Variants in PSEN2 observed in about 807,000 individuals in gnomAD.
The protein encoded by PSEN2 is presenilin 2, also known as presenilin-2.
In PSEN2, 32 loss-of-function variants were observed where a neutral mutation model predicts 49.1. That is an observed-to-expected ratio of 0.65 (90% confidence interval 0.49 to 0.88). PSEN2 has a LOEUF of 0.88. Among genes scored for constraint, PSEN2 ranks in the 40% least tolerant of loss-of-function variants. PSEN2 has a pLI of 0.00. For synonymous variants in PSEN2, 255 were observed against 244.0 expected (o/e 1.05, Z -0.42); for missense variants, 522 against 586.9 (o/e 0.89, Z 1.14).
chr1:226,888,398 C>G (rs1177318987), intron 7 of PSEN2, among the ~76,000 whole-genome samples: 1 of 152,140 alleles, frequency 6.6e-6, no homozygotes, highest in East Asian at 1.9e-4. Context: ...AAAATGAACC[C>G]TTCATGGAGA....
chr1:226,880,263 G>A (rs1341247743), intron 3 of PSEN2, among the ~76,000 whole-genome samples: 1 of 152,082 alleles, frequency 6.6e-6, no homozygotes. Context: ...TGCAGCCCTA[G>A]CTACTGAGGA....
intron 12 of PSEN2, chr1:226,903,424 A>G (rs1431039408): frequency 1.3e-5 from 2 of 152,200 alleles, no homozygotes; most frequent in Admixed American, 1.3e-4. Flanking sequence ...AGTCTTCTAA[A>G]TGATTAGCTG....
intron 2 of PSEN2, among the ~76,000 whole-genome samples, chr1:226,875,129 C>T (rs932722381): frequency 1.3e-5 from 2 of 152,048 alleles, no homozygotes; most frequent in Non-Finnish European, 2.9e-5. Context: ...GCCTGTGGTC[C>T]GGGAGGGTGG....
chr1:226,885,294 G>A (rs1373837468), intron 5 of PSEN2, among the ~76,000 whole-genome samples: 2 of 152,256 alleles, frequency 1.3e-5, no homozygotes, highest in South Asian at 2.1e-4. Flanking sequence ...TCTAGCCCTC[G>A]TCCTCACTGC....
chr1:226,876,176 T>A (rs1406076055), intron 3 of PSEN2, among the ~76,000 whole-genome samples: 1 of 151,850 alleles, frequency 6.6e-6, no homozygotes, highest in African/African-American at 2.4e-5. Context: ...CCTAGCAGTG[T>A]TGTTTATCTG....
At chr1:226,898,839 C>T (rs971297792), downstream of PSEN2, 2 of 152,206 alleles carry the variant, frequency 1.3e-5, no homozygotes, top group African/African-American at 4.8e-5. Context: ...GGGTCTCGAT[C>T]TCCTGACCTC....
rs1661015389 is a variant in PSEN2, at chr1:226,881,872, G to A, written c.-20-16G>A. On this transcript the variant is annotated splice_polypyrimidine_tract_variant and intron_variant, in intron 3 of 12. Coordinates refer to ENST00000366783, the MANE Select transcript of PSEN2 (RefSeq NM_000447.3). ...CACAGGAAAGTGGAACAAGGTCCTTGTGCTCCTTTTTCCAGGTGCTTCCAG... is the reference window on the plus strand; with the variant it reads ...CACAGGAAAGTGGAACAAGGTCCTTATGCTCCTTTTTCCAGGTGCTTCCAG... The A allele has an allele frequency of 1.2e-6, 2 of 1,614,204 alleles. No homozygotes were observed. Among genetic ancestry groups the A allele is most frequent in the Non-Finnish European group, 1.7e-6 (2 of 1,180,016 alleles).
At chr1:226,873,105 A>T (rs930245005) in intron 2 of PSEN2, among the ~76,000 whole-genome samples, 4 of 151,620 alleles carry the variant, frequency 2.6e-5, no homozygotes, top group Non-Finnish European at 5.9e-5. Context: ...TGAACCCAGG[A>T]GGCGGAGGTT....
chr1:226,880,740 C>G, intron 3 of PSEN2: 1 of 1,611,558 alleles, frequency 6.2e-7, no homozygotes, highest in Admixed American at 1.7e-5. Context: ...CTGGGTCCCC[C>G]ACTTGGTACT....
At chr1:226,891,948 G>A in intron 11 of PSEN2, 104 bp downstream of exon 11, 1 of 1,042,280 alleles carries the variant, frequency 9.6e-7, no homozygotes, top group Non-Finnish European at 1.5e-6. Flanking sequence ...TGAGGGGAGG[G>A]GCCCCTTTTC....
In PSEN2 at chr1:226,888,151, T is replaced by G; in HGVS notation, c.559T>G (p.Tyr187Asp). ...GCTGCTGTTCCTCTTCACCTATATCTACCTTGGGTAAGTGACAGATAAGCA... is the reference window on the plus strand; with the variant it reads ...GCTGCTGTTCCTCTTCACCTATATCGACCTTGGGTAAGTGACAGATAAGCA... The part of the protein sequence containing the change: ...LMLLFLFTYI[Y>D]LGEVLKTYNV... Residue 187 changes from tyrosine (Y) to aspartate (D), a missense_variant, in exon 7 of 13, where the codon TAC (tyrosine) becomes GAC (aspartate). Physicochemically the swap from Tyr to Asp is radical, Grantham distance 160. Transcript: ENST00000366783. 1 of 1,612,000 alleles carries G rather than the reference T, an allele frequency of 6.2e-7. No individual in the cohort carries two copies. The highest frequency in any genetic ancestry group is 8.5e-7 in the Non-Finnish European group (1 of 1,178,108).
At chr1:226,885,824 C>T (rs563240019) in intron 6 of PSEN2, 145 bp downstream of exon 6, 1 of 864,852 alleles carries the variant, frequency 1.2e-6, no homozygotes, top group East Asian at 2.6e-5. Context: ...CCCACCCCAT[C>T]CTGTCTCCCA....
chr1:226,883,981 G>GC (rs1211556688), intron 5 of PSEN2, 62 bp downstream of exon 5: 9 of 1,024,800 alleles, frequency 8.8e-6, no homozygotes, highest in Middle Eastern at 3.3e-4. Flanking sequence ...GGGGTGGGGG[G>GC]CGCAGCAGCC....
intron 3 of PSEN2, among the ~76,000 whole-genome samples, chr1:226,877,452 T>C (rs1426505668): frequency 6.6e-6 from 1 of 152,210 alleles, no homozygotes; most frequent in Admixed American, 6.5e-5. Context: ...CTGGTCCATC[T>C]CCACCAGCCC....
At chr1:226,901,015 A>T (rs990258161), downstream of PSEN2, among the ~76,000 whole-genome samples, 1 of 152,230 alleles carries the variant, frequency 6.6e-6, no homozygotes, top group Non-Finnish European at 1.5e-5. Flanking sequence ...AGCAGGGAGT[A>T]GTTAGTATAT....
At chr1:226,885,182 G>A (rs1661274512) in intron 5 of PSEN2, among the ~76,000 whole-genome samples, 1 of 152,030 alleles carries the variant, frequency 6.6e-6, no homozygotes, top group African/African-American at 2.4e-5. Flanking sequence ...TGGAGCTGGT[G>A]GAGAGGTGTG....
intron 3 of PSEN2, among the ~76,000 whole-genome samples, chr1:226,878,029 C>T (rs912584898): frequency 1.2e-4 from 18 of 152,142 alleles, no homozygotes; most frequent in Admixed American, 1.2e-3. Flanking sequence ...TGTCAGGGAA[C>T]CTCTGCTCAC....
chr1:226,891,677 T>C, intron 10 of PSEN2, 66 bp from the exon 11 acceptor site: 1 of 1,386,332 alleles, frequency 7.2e-7, no homozygotes, highest in Non-Finnish European at 1.0e-6. Flanking sequence ...GACCAGCTGT[T>C]GTTTCTCTCT....
In PSEN2 at chr1:226,882,010, A is replaced by C. The variant is rs1335789538; in HGVS notation, c.103A>C (p.Arg35=). 1.2e-6 allele frequency: 2 copies of C among 1,614,072 alleles called. No homozygotes were observed. Among genetic ancestry groups the C allele is most frequent in the African/African-American group, 2.7e-5 (2 of 74,950 alleles). ...SPTPRSCQEG[R]QGPEDGENTA... ...CACGCCGCGCTCCTGCCAGGAGGGC[A>C]GGCAGGGCCCAGAGGATGGAGAGAA... The change falls in exon 4 of 13, where the codon AGG becomes CGG. Residue 35 remains arginine, a synonymous_variant. Coordinates refer to ENST00000366783, the MANE Select transcript of PSEN2 (RefSeq NM_000447.3).
Sources: gnomAD v4.1 joint callset for allele counts (sites outside exome capture counted in the v4.1 genomes callset) on GRCh38, gnomAD v4.1.1 for gene constraint, MANE v1.5 for transcripts, NCBI Gene and HGNC (gene_info 2026-07-23, HGNC 2026-07-21) for gene names.